Variants in FGD6 observed in about 807,000 individuals in gnomAD.
The protein encoded by FGD6 is FYVE, RhoGEF and PH domain-containing protein 6.
A neutral mutation model predicts 149.4 loss-of-function variants in FGD6; 90 were observed. The ratio of observed to expected loss-of-function variants is 0.60; its 90% confidence interval spans 0.51 to 0.72. The LOEUF is 0.72. FGD6 is among the 30% of genes least tolerant of loss of function. FGD6 has a pLI of 0.00. For synonymous variants in FGD6, 527 were observed against 584.0 expected (o/e 0.90, Z 1.41); for missense variants, 1,437 against 1,684.8 (o/e 0.85, Z 2.57).
At chr12:95,097,223 T>C (rs7137731) in intron 14 of FGD6, among the ~76,000 whole-genome samples, 58,676 of 152,036 alleles carry the variant, frequency 0.39, 11,706 homozygotes, top group African/African-American at 0.48. Flanking sequence ...CAGCATCTTC[T>C]TCAAACTGAA....
intron 5 of FGD6, among the ~76,000 whole-genome samples, chr12:95,143,778 T>C (rs1479573378): frequency 1.3e-5 from 2 of 152,218 alleles, no homozygotes; most frequent in South Asian, 2.1e-4. Flanking sequence ...TCATGAATAA[T>C]GTATTCAAAG....
chr12:95,098,670 TAAACAGC>T (rs1878319386), intron 14 of FGD6, among the ~76,000 whole-genome samples: 1 of 152,166 alleles, frequency 6.6e-6, no homozygotes, highest in African/African-American at 2.4e-5. Context: ...TAAGTCAATA[TAAACAGC>T]AGGGTTTGTA....
chr12:95,091,308 T>C (rs910070106), intron 17 of FGD6, among the ~76,000 whole-genome samples: 1 of 152,206 alleles, frequency 6.6e-6, no homozygotes, highest in African/African-American at 2.4e-5. Context: ...CTAAATCAGA[T>C]TAACTGACTA....
In FGD6 at chr12:95,094,622, G is replaced by T; in HGVS notation, c.3570C>A (p.Ile1190=). 6.2e-7 allele frequency: 1 copy of T among 1,613,004 alleles called. No homozygotes were observed. Among genetic ancestry groups the T allele is most frequent in the Non-Finnish European group, 8.5e-7 (1 of 1,179,574 alleles). ...RAIEEYAKKR[I]TFCPSRSLDE... ...CAAGACTCCTACTAGGACAGAAGGT[G>T]ATTCTTTTCTTGGCATACTCTTCTA... Residue 1190 remains isoleucine (I), a synonymous_variant, in exon 15 of 21, where the codon ATC becomes ATA. Transcript: ENST00000343958.
chr12:95,187,652 C>CCAAAAAA (rs1555222014), intron 2 of FGD6, among the ~76,000 whole-genome samples: 1 of 106,688 alleles, frequency 9.4e-6, no homozygotes. Context: ...GCTGCGTCCC[C>CCAAAAAA]AAAAAAAAAA....
Position 95,081,435 on chromosome 12 carries a change from T to G in FGD6, c.*85A>C. On this transcript the variant is annotated 3_prime_UTR_variant, in exon 21 of 21. Transcript: ENST00000343958. The stretch of plus-strand genomic sequence containing the variant: ...TTGGCTTTATCTTGGCAGTGTTCAT[T>G]TTTATACAATTTTTGAATTGCATTT... The G allele has an allele frequency of 8.0e-7, 1 of 1,246,194 alleles. No individual in the cohort carries two copies. The highest frequency in any genetic ancestry group is 1.1e-6 in the Non-Finnish European group (1 of 912,894). 77.2% of individuals were successfully genotyped at this position (1,246,194 alleles called of 1,614,324 possible). A position where few individuals can be genotyped will look rare whatever the true frequency, so the allele number is the denominator to read the frequency against.
chr12:95,085,277 C>T (rs1428809288), intron 19 of FGD6, among the ~76,000 whole-genome samples: 2 of 145,018 alleles, frequency 1.4e-5, no homozygotes, highest in South Asian at 2.2e-4. Context: ...TGCAGTGGCA[C>T]GATCTCAGCT....
At chr12:95,199,125 T>C (rs1881801134) in intron 2 of FGD6, among the ~76,000 whole-genome samples, 1 of 152,192 alleles carries the variant, frequency 6.6e-6, no homozygotes, top group Non-Finnish European at 1.5e-5. Flanking sequence ...TAAATTTTGC[T>C]CACTTTCTCT....
At chr12:95,193,557 C>T (rs1407716361) in intron 2 of FGD6, among the ~76,000 whole-genome samples, 1 of 143,420 alleles carries the variant, frequency 7.0e-6, no homozygotes, top group African/African-American at 2.6e-5. Context: ...GAGACGGTGT[C>T]TCACTCTGTT....
chr12:95,185,626 G>C (rs976717701), intron 2 of FGD6, among the ~76,000 whole-genome samples: 1 of 152,190 alleles, frequency 6.6e-6, no homozygotes, highest in Admixed American at 6.5e-5. Flanking sequence ...ATTTTGGGAG[G>C]CTGAGGCAGG....
At position 95,089,603 on chromosome 12, in the gene FGD6, C is replaced by T. The variant is rs778233205; in HGVS notation, c.3944G>A (p.Arg1315Lys). The change falls in exon 18 of 21, where the codon AGG becomes AAG. Residue 1315 changes from arginine to lysine, a missense_variant. Transcript: ENST00000343958. Reference protein sequence around the residue: ...SSVLHSIPSGRKQKKIPAALK... With the variant: ...SSVLHSIPSGKKQKKIPAALK... ...AGCAGCTGGGATTTTTTTCTGTTTC[C>T]TCCCTGATGGAATGCTATGTAAGAC... 5.0e-6 allele frequency: 8 copies of T among 1,613,260 alleles called. No homozygotes were observed. Among genetic ancestry groups the T allele is most frequent in the Middle Eastern group, 1.6e-4 (1 of 6,076 alleles).
intron 2 of FGD6, 105 bp from the exon 3 acceptor site, chr12:95,172,849 T>C (rs1260957408): frequency 4.4e-6 from 4 of 907,388 alleles, no homozygotes; most frequent in Non-Finnish European, 6.2e-6. Flanking sequence ...ACAAGATATA[T>C]CTAAGGGATG....
At chr12:95,180,539 C>T (rs927312267) in intron 2 of FGD6, among the ~76,000 whole-genome samples, 2 of 151,796 alleles carry the variant, frequency 1.3e-5, no homozygotes, top group African/African-American at 4.8e-5. Context: ...ACAACAGGTG[C>T]GTGCCACCAC....
intron 3 of FGD6, among the ~76,000 whole-genome samples, chr12:95,160,896 C>G (rs754940654): frequency 6.6e-6 from 1 of 151,708 alleles, no homozygotes; most frequent in Non-Finnish European, 1.5e-5. Flanking sequence ...AAAGAACCCA[C>G]TTGTGGCCAG....
chr12:95,183,345 C>G (rs776802186), intron 2 of FGD6, among the ~76,000 whole-genome samples: 1 of 152,216 alleles, frequency 6.6e-6, no homozygotes, highest in Non-Finnish European at 1.5e-5. Flanking sequence ...CTCTTGTATA[C>G]AGCCTGCCTC....
chr12:95,213,853 T>C (rs1386684228), intron 1 of FGD6, among the ~76,000 whole-genome samples: 2 of 152,230 alleles, frequency 1.3e-5, no homozygotes, highest in Non-Finnish European at 2.9e-5. Flanking sequence ...AATTAATAAC[T>C]GTGAACTTGG....
chr12:95,102,073 AGTG>A, intron 14 of FGD6, among the ~76,000 whole-genome samples: 1 of 60,410 alleles, frequency 1.7e-5, no homozygotes, highest in Non-Finnish European at 3.3e-5. Context: ...TGGGAGGCTG[AGTG>A]GGGGTGGATC....
At position 95,210,124 on chromosome 12, in the gene FGD6, T is replaced by C. The variant is rs903601062; in HGVS notation, c.1160A>G (p.Asn387Ser). 2 of 1,614,142 alleles carry C rather than the reference T, an allele frequency of 1.2e-6. No individual in the cohort carries two copies. The highest frequency in any genetic ancestry group is 1.7e-5 in the Admixed American group (1 of 60,016). ...KMKLGNKSELNMESNSDAQDL... is the reference protein window; with the variant it reads ...KMKLGNKSELSMESNSDAQDL... ...CTGTGCATCACTGTTGGATTCCATA[T>C]TCAATTCACTTTTATTTCCTAGCTT... Residue 387 changes from asparagine (N) to serine (S), a missense_variant, in exon 2 of 21, where the codon AAT becomes AGT. Asn to Ser is a conservative substitution (Grantham distance 46). Around this residue, in one of 2 missense-constraint regions of FGD6, gnomAD observed 1,055 missense variants for 1,146.0 expected, o/e 0.92. Transcript: ENST00000343958.
intron 8 of FGD6, among the ~76,000 whole-genome samples, chr12:95,116,649 T>C (rs116898301): frequency 6.6e-6 from 1 of 152,296 alleles, no homozygotes; most frequent in East Asian, 1.9e-4. Context: ...CGTTGCAACA[T>C]CATGCTATTA....
Sources: allele counts gnomAD v4.1 joint callset (sites outside exome capture counted in the v4.1 genomes callset), GRCh38; gene constraint gnomAD v4.1.1; regional missense constraint gnomAD v4.1.1; transcripts MANE v1.5; gene names NCBI Gene and HGNC (gene_info 2026-07-23, HGNC 2026-07-21).